RAP1GAP2: variants seen among roughly 807,000 people sequenced by gnomAD.
RAP1GAP2 encodes the protein RAP1 GTPase activating protein 2.
RAP1GAP2 carries 27 observed loss-of-function variants against 95.0 expected under a neutral mutation model. The ratio of observed to expected loss-of-function variants is 0.28; its 90% confidence interval spans 0.21 to 0.39. The LOEUF (loss-of-function observed/expected upper bound fraction) is 0.39. Ranked by LOEUF, RAP1GAP2 falls within the 10% of genes least tolerant of loss-of-function variation. The pLI is 1.00. For missense variants in RAP1GAP2, 771 were observed against 970.0 expected (o/e 0.79, Z 2.72); for synonymous variants, 373 against 380.9 (o/e 0.98, Z 0.24).
intron 2 of RAP1GAP2, among the ~76,000 whole-genome samples, chr17:2,817,834 G>T (rs9895918): frequency 0.68 from 76,217 of 111,796 alleles, 32,945 homozygotes; most frequent in African/African-American, 0.91. Context: ...ATGTTTAATT[G>T]TTTTTGTTTT....
chr17:2,925,199 G>A (rs192318824), intron 3 of RAP1GAP2, among the ~76,000 whole-genome samples: 6 of 152,260 alleles, frequency 3.9e-5, no homozygotes, highest in East Asian at 3.9e-4. Flanking sequence ...CATAATGGCC[G>A]TGAGGAGGCA....
chr17:2,840,606 C>G (rs1398133860), intron 2 of RAP1GAP2, among the ~76,000 whole-genome samples: 4 of 152,170 alleles, frequency 2.6e-5, no homozygotes, highest in Non-Finnish European at 5.9e-5. Flanking sequence ...GCCTTAGCCT[C>G]CTGAGTAGCT....
chr17:2,781,870 G>A (rs1165597382), intron 1 of RAP1GAP2, among the ~76,000 whole-genome samples: 1 of 151,642 alleles, frequency 6.6e-6, no homozygotes, highest in Non-Finnish European at 1.5e-5. Flanking sequence ...GTCTCTGTGT[G>A]TGCACGTCTC....
intron 12 of RAP1GAP2, among the ~76,000 whole-genome samples, chr17:2,994,788 G>C (rs2045896585): frequency 6.6e-6 from 1 of 152,234 alleles, no homozygotes; most frequent in Admixed American, 6.5e-5. Flanking sequence ...GCCAAGGCTT[G>C]AGATGGAGGT....
intron 2 of RAP1GAP2, among the ~76,000 whole-genome samples, chr17:2,876,996 C>T (rs574326312): frequency 6.7e-6 from 1 of 150,140 alleles, no homozygotes; most frequent in Non-Finnish European, 1.5e-5. Context: ...TCAAGCGATT[C>T]TCCTGCCTCA....
At chr17:2,879,349 CAA>C (rs1319361420) in intron 2 of RAP1GAP2, among the ~76,000 whole-genome samples, 5 of 151,774 alleles carry the variant, frequency 3.3e-5, no homozygotes, top group Admixed American at 1.3e-4. Context: ...CTACTGACCT[CAA>C]GTGATCCACC....
intron 3 of RAP1GAP2, among the ~76,000 whole-genome samples, chr17:2,953,313 CCTCAGCCTCCTGT>C (rs924411234): frequency 1.3e-5 from 2 of 152,054 alleles, no homozygotes; most frequent in African/African-American, 4.8e-5. Flanking sequence ...ACCCTCCTTG[CCTCAGCCTCCTGT>C]GTAGCTAGGA....
In RAP1GAP2 at chr17:2,963,162, T is replaced by C; in HGVS notation, c.247-268T>C. 1.8e-6 allele frequency: 1 copy of C among 564,144 alleles called. No homozygotes were observed. The highest frequency in any genetic ancestry group is 3.1e-6 in the Non-Finnish European group (1 of 317,656). 34.9% of individuals were successfully genotyped at this position (564,144 alleles called of 1,614,324 possible). On this transcript the variant is annotated intron_variant, in intron 5 of 24. Transcript: ENST00000254695. The surrounding 1 kb of genome is among the most constrained non-coding windows in gnomAD (Gnocchi z 4.8). ...ATTTTCCGGAATGAGCGTTCTAGGA[T>C]GAGAAGCTGGTATCACGAGGGGTGA...
At chr17:3,032,517 A>G in intron 24 of RAP1GAP2, 68 bp downstream of exon 24, 3 of 1,477,682 alleles carry the variant, frequency 2.0e-6, no homozygotes, top group Admixed American at 1.7e-5. Flanking sequence ...TCAGGGAACT[A>G]GAGGCCTTGT....
upstream of RAP1GAP2, among the ~76,000 whole-genome samples, chr17:2,795,711 C>G (rs182099449): frequency 5.3e-5 from 8 of 152,156 alleles, no homozygotes; most frequent in African/African-American, 1.7e-4. Context: ...CATGTGTATG[C>G]GTTCATGTCT....
rs978796036 is a variant in RAP1GAP2, at chr17:3,029,766, C to G, written c.2108-1156C>G. ...AAGTGGCCCTCCTGCCAGCGGGGCA[C>G]AGCGGGAAATGTTGACACCGGGCTC... On this transcript the variant is annotated intron_variant, in intron 22 of 24. Coordinates refer to ENST00000254695, the MANE Select transcript of RAP1GAP2 (RefSeq NM_015085.5). The surrounding 1 kb of genome is among the most constrained non-coding windows in gnomAD (Gnocchi z 4.4). Among the ~76,000 whole-genome samples, 1 of 152,080 alleles carries G rather than the reference C, an allele frequency of 6.6e-6. No homozygotes were observed. The highest frequency in any genetic ancestry group is 1.5e-5 in the Non-Finnish European group (1 of 68,034).
rs2047469588 is a variant in RAP1GAP2 at position 3,036,515 on chromosome 17, G to C, written c.*3154G>C. 6.6e-6 allele frequency: 1 copy of C among 152,266 alleles called. No homozygotes were observed. The highest frequency in any genetic ancestry group is 1.5e-5 in the Non-Finnish European group (1 of 68,110). 9.4% of individuals were successfully genotyped at this position (152,266 alleles called of 1,614,324 possible). The stretch of plus-strand genomic sequence containing the variant: ...CAGTTTCTGCTCTTTTTCATCAGGG[G>C]GGATAGTCTCTAGGATTTTTCAGTG... On this transcript the variant is annotated 3_prime_UTR_variant, in exon 25 of 25. Coordinates refer to ENST00000254695, the MANE Select transcript of RAP1GAP2 (RefSeq NM_015085.5).
Position 2,965,897 on chromosome 17 carries a change from C to T in RAP1GAP2, c.596+254C>T, listed in dbSNP as rs1008955639. 2 of 503,072 alleles carry T rather than the reference C, an allele frequency of 4.0e-6. No homozygotes were observed. The highest frequency in any genetic ancestry group is 3.6e-5 in the Admixed American group (1 of 27,946). The allele number at this position is 503,072 out of a possible 1,614,324, so 31.2% of individuals were successfully genotyped here. A position where few individuals can be genotyped will look rare whatever the true frequency, so the allele number is the denominator to read the frequency against. On this transcript the variant is annotated intron_variant, in intron 8 of 24. Coordinates refer to ENST00000254695, the MANE Select transcript of RAP1GAP2 (RefSeq NM_015085.5). This position sits in a 1 kb window ranked among gnomAD's most constrained non-coding sequence, Gnocchi z 4.7. ...AAGGTCACCCAGACTGTACCCCTTCCTGCCCCTCTTTCTTACAAGTCCATG... is the reference window on the plus strand; with the variant it reads ...AAGGTCACCCAGACTGTACCCCTTCTTGCCCCTCTTTCTTACAAGTCCATG...
chr17:3,030,849 T>TA (rs2047267712), intron 22 of RAP1GAP2, 73 bp from the exon 23 acceptor site: 1 of 1,437,974 alleles, frequency 7.0e-7, no homozygotes, highest in Non-Finnish European at 9.6e-7. Context: ...CTGGCCTCCC[T>TA]AGCCAGTCCC....
At chr17:2,889,889 A>ATATATATATATATATATTT (rs1408426152) in intron 2 of RAP1GAP2, among the ~76,000 whole-genome samples, 1 of 57,324 alleles carries the variant, frequency 1.7e-5, no homozygotes, top group African/African-American at 7.2e-5. Context: ...ATATATATAT[A>ATATATATATATATATATTT]TTTTTTTTTT....
chr17:3,005,541 T>A lies in RAP1GAP2; in HGVS notation c.1272+101T>A. Reference sequence around the variant, plus strand: ...GGAGCCAAATTCAGGCTGGGAACATTAGGGAGCTCCTTTTGCAGGTTTTGG... The same window carrying A: ...GGAGCCAAATTCAGGCTGGGAACATAAGGGAGCTCCTTTTGCAGGTTTTGG... On this transcript the variant is annotated intron_variant, in intron 15 of 24. Coordinates refer to ENST00000254695, the MANE Select transcript of RAP1GAP2 (RefSeq NM_015085.5). The surrounding 1 kb of genome is among the most constrained non-coding windows in gnomAD (Gnocchi z 5.2). 7.5e-7 allele frequency: 1 copy of A among 1,336,626 alleles called. No individual in the cohort carries two copies. The highest frequency in any genetic ancestry group is 1.1e-6 in the Non-Finnish European group (1 of 928,198). 82.8% of individuals were successfully genotyped at this position (1,336,626 alleles called of 1,614,324 possible).
chr17:2,912,414 T>C (rs1597590005), intron 3 of RAP1GAP2, among the ~76,000 whole-genome samples: 1 of 152,288 alleles, frequency 6.6e-6, no homozygotes, highest in East Asian at 1.9e-4. Context: ...CAGGGAGACT[T>C]GCCCCTCATC....
At chr17:2,961,199 A>AGAGAG (rs1162213622) in intron 4 of RAP1GAP2, among the ~76,000 whole-genome samples, 1 of 150,060 alleles carries the variant, frequency 6.7e-6, no homozygotes. Context: ...CCTGGGCAAC[A>AGAGAG]AGAATGAAAC....
intron 3 of RAP1GAP2, among the ~76,000 whole-genome samples, chr17:2,918,165 G>T (rs1165267085): frequency 6.6e-6 from 1 of 152,032 alleles, no homozygotes; most frequent in Non-Finnish European, 1.5e-5. Flanking sequence ...GCCAGGCGTG[G>T]TGGCTCACAC....
Sources: allele counts gnomAD v4.1 joint callset (sites outside exome capture counted in the v4.1 genomes callset), GRCh38; gene constraint gnomAD v4.1.1; non-coding constraint Gnocchi (gnomAD v3.1); transcripts MANE v1.5; gene names NCBI Gene and HGNC (gene_info 2026-07-23, HGNC 2026-07-21).